The following SLC20A2 variants were observed in gnomAD, a reference collection of about 807,000 sequenced individuals.
SLC20A2 encodes the protein sodium-dependent phosphate transporter 2.
SLC20A2 carries 30 observed loss-of-function variants against 61.0 expected under a neutral mutation model. The observed-to-expected ratio is 0.49, with a 90% CI of 0.37 to 0.67. SLC20A2 has a LOEUF of 0.67. Ranked by LOEUF, SLC20A2 falls within the 30% of genes least tolerant of loss-of-function variation. The probability of loss-of-function intolerance (pLI) is 0.00; values close to 1 mark genes in which losing one functional copy is unlikely to be tolerated. For missense variants in SLC20A2, 626 were observed against 866.4 expected, an observed-to-expected ratio of 0.72 and a Z score of 3.48; for synonymous variants, 351 against 353.3, an observed-to-expected ratio of 0.99 and a Z score of 0.07.
chr8:42,492,758 G>A (rs1406822328), intron 1 of SLC20A2, among the ~76,000 whole-genome samples: 10 of 151,358 alleles, frequency 6.6e-5, no homozygotes, highest in Non-Finnish European at 1.3e-4. Flanking sequence ...GCGCCATCTC[G>A]GCTCACTGCA....
At chr8:42,504,805 C>A (rs1305568867), upstream of SLC20A2, among the ~76,000 whole-genome samples, 1 of 127,608 alleles carries the variant, frequency 7.8e-6, no homozygotes, top group Admixed American at 9.7e-5. Flanking sequence ...AAGATCATGC[C>A]ACTGCCAAGA....
chr8:42,433,831 T>C (rs746183397), intron 8 of SLC20A2, among the ~76,000 whole-genome samples: 1 of 152,226 alleles, frequency 6.6e-6, no homozygotes, highest in African/African-American at 2.4e-5. Flanking sequence ...GGTACAAATA[T>C]CTCTTTGAGA....
At chr8:42,468,069 A>AT (rs1228365030) in intron 2 of SLC20A2, among the ~76,000 whole-genome samples, 1 of 151,664 alleles carries the variant, frequency 6.6e-6, no homozygotes, top group Non-Finnish European at 1.5e-5. Flanking sequence ...CGCCCGGCTA[A>AT]TTTTTTGTAT....
chr8:42,517,072 C>T (rs1361862534), intron 1 of SLC20A2, among the ~76,000 whole-genome samples: 2 of 152,220 alleles, frequency 1.3e-5, no homozygotes, highest in African/African-American at 4.8e-5. Flanking sequence ...AACATTATTA[C>T]AACCTATTCA....
chr8:42,485,676 G>A (rs567810857), intron 1 of SLC20A2, among the ~76,000 whole-genome samples: 4 of 148,260 alleles, frequency 2.7e-5, no homozygotes, highest in East Asian at 3.9e-4. Flanking sequence ...GGCCAGATGC[G>A]GTGGCTCACA....
chr8:42,428,372 T>G (rs1159388670), intron 10 of SLC20A2, among the ~76,000 whole-genome samples: 2 of 152,258 alleles, frequency 1.3e-5, no homozygotes, highest in African/African-American at 4.8e-5. Context: ...TGTTAATTTC[T>G]AACACTGTCA....
intron 1 of SLC20A2, among the ~76,000 whole-genome samples, chr8:42,480,748 C>T (rs372543193): frequency 2.6e-5 from 4 of 152,292 alleles, no homozygotes; most frequent in South Asian, 2.1e-4. Context: ...CAGCCTTAAG[C>T]TCCTGGGCTC....
chr8:42,428,920 AC>A, intron 9 of SLC20A2, 78 bp from the exon 10 acceptor site: 1 of 1,192,462 alleles, frequency 8.4e-7, no homozygotes, highest in Non-Finnish European at 1.1e-6. Context: ...CTAGAGGCTC[AC>A]CAGAACATTC....
chr8:42,486,899 C>T (rs547862262), intron 1 of SLC20A2, among the ~76,000 whole-genome samples: 2 of 152,208 alleles, frequency 1.3e-5, no homozygotes, highest in African/African-American at 4.8e-5. Context: ...CAGAGTCTCG[C>T]TCTGTTGCCC....
intron 8 of SLC20A2, among the ~76,000 whole-genome samples, chr8:42,432,817 T>C (rs921088788): frequency 6.6e-6 from 1 of 152,222 alleles, no homozygotes; most frequent in African/African-American, 2.4e-5. Context: ...ATTTTCAAAT[T>C]AAGGTATGTA....
At chr8:42,525,745 T>G (rs948751544) in intron 1 of SLC20A2, among the ~76,000 whole-genome samples, 1 of 152,074 alleles carries the variant, frequency 6.6e-6, no homozygotes, top group Admixed American at 6.5e-5. Flanking sequence ...TAAATTATAG[T>G]AGAGTACATT....
intron 1 of SLC20A2, among the ~76,000 whole-genome samples, chr8:42,481,672 G>C (rs1480552692): frequency 2.6e-5 from 4 of 152,196 alleles, no homozygotes; most frequent in African/African-American, 9.7e-5. Context: ...CGTTTAGCCT[G>C]GAGCTGTGAG....
In SLC20A2 at chr8:42,437,650, T is replaced by C; in HGVS notation, c.935-73A>G. 7.9e-7 allele frequency: 1 copy of C among 1,271,012 alleles called. No individual in the cohort carries two copies. The highest frequency in any genetic ancestry group is 1.1e-6 in the Non-Finnish European group (1 of 944,380). The allele number at this position is 1,271,012 out of a possible 1,614,324, so 78.7% of individuals were successfully genotyped here. ...TTCTTTTCTTTTTGAGACGGAGCCT[T>C]GCTCTGTCCTCAGGGTGGAGTACAA... On this transcript the variant is annotated intron_variant, in intron 7 of 10. Transcript: ENST00000520262. This position sits in a 1 kb window ranked among gnomAD's most constrained non-coding sequence, Gnocchi z 6.4.
At chr8:42,496,788 G>A (rs1809959718) in intron 1 of SLC20A2, among the ~76,000 whole-genome samples, 1 of 152,180 alleles carries the variant, frequency 6.6e-6, no homozygotes, top group African/African-American at 2.4e-5. Context: ...AGTGGGTAGG[G>A]TCCAACTTTC....
intron 5 of SLC20A2, among the ~76,000 whole-genome samples, chr8:42,455,237 A>ATATATATAT (rs1194959482): frequency 3.0e-5 from 3 of 101,104 alleles, no homozygotes; most frequent in African/African-American, 1.3e-4. Context: ...AAAAAAAAAA[A>ATATATATAT]AAAAATATAT....
At chr8:42,530,453 C>A (rs1812248898) in intron 1 of SLC20A2, among the ~76,000 whole-genome samples, 1 of 152,162 alleles carries the variant, frequency 6.6e-6, no homozygotes, top group South Asian at 2.1e-4. Context: ...TCCAAAACTT[C>A]TGTATCCATA....
chr8:42,477,069 C>T (rs1412953959), intron 1 of SLC20A2, among the ~76,000 whole-genome samples: 1 of 152,192 alleles, frequency 6.6e-6, no homozygotes, highest in East Asian at 1.9e-4. Context: ...GGGCAAAGGT[C>T]GGAAAGCATA....
intron 1 of SLC20A2, among the ~76,000 whole-genome samples, chr8:42,492,658 C>T (rs1157161462): frequency 6.6e-6 from 1 of 152,064 alleles, no homozygotes; most frequent in East Asian, 1.9e-4. Context: ...CACATGATTC[C>T]AGATTCCTTT....
chr8:42,500,868 C>T (rs1415026890), intron 1 of SLC20A2, among the ~76,000 whole-genome samples, 163 bp downstream of exon 1: 1 of 152,178 alleles, frequency 6.6e-6, no homozygotes, highest in African/African-American at 2.4e-5. Flanking sequence ...CAGTAGGAGA[C>T]ATTTAAAGAA....
Sources: allele counts gnomAD v4.1 joint callset (sites outside exome capture counted in the v4.1 genomes callset), GRCh38; gene constraint gnomAD v4.1.1; non-coding constraint Gnocchi (gnomAD v3.1); transcripts MANE v1.5; gene names NCBI Gene and HGNC (gene_info 2026-07-23, HGNC 2026-07-21).